ADAM12: variants seen among roughly 807,000 people sequenced by gnomAD.
ADAM12 encodes the protein disintegrin and metalloproteinase domain-containing protein 12.
In ADAM12, 70 loss-of-function variants were observed where a neutral mutation model predicts 106.4. The ratio of observed to expected loss-of-function variants is 0.66; its 90% confidence interval spans 0.54 to 0.80. The LOEUF (loss-of-function observed/expected upper bound fraction) is 0.80. Ranked by LOEUF, ADAM12 falls within the 30% of genes least tolerant of loss-of-function variation. The pLI is 0.00. For synonymous variants in ADAM12, 420 were observed against 433.5 expected, an observed-to-expected ratio of 0.97 and a Z score of 0.39; for missense variants, 1,010 against 1,171.9, an observed-to-expected ratio of 0.86 and a Z score of 2.02.
At chr10:126,327,185 G>A (rs1049748074) in intron 2 of ADAM12, among the ~76,000 whole-genome samples, 8 of 152,140 alleles carry the variant, frequency 5.3e-5, no homozygotes, top group Admixed American at 2.0e-4. Flanking sequence ...ACAGAGCGAC[G>A]TGCCTTTCAT....
rs1405861074 is a variant in ADAM12 at position 126,012,570 on chromosome 10, A to G, written c.*4709T>C. 1 of 152,240 alleles carries G rather than the reference A, an allele frequency of 6.6e-6. No homozygotes were observed. Among genetic ancestry groups the G allele is most frequent in the East Asian group, 1.9e-4 (1 of 5,200 alleles). 9.4% of individuals were successfully genotyped at this position (152,240 alleles called of 1,614,324 possible). On this transcript the variant is annotated 3_prime_UTR_variant, in exon 23 of 23. Coordinates refer to ENST00000448723, the MANE Select transcript of ADAM12 (RefSeq NM_001288973.2). ...CCAAAGCATGATAAATGGATGAAGC[A>G]CTATAAAATTACTTTGCTGTTTACG...
chr10:126,086,680 A>ATATAT (rs1472519666), intron 11 of ADAM12, among the ~76,000 whole-genome samples: 2 of 24,272 alleles, frequency 8.2e-5, no homozygotes, highest in African/African-American at 6.5e-4. Flanking sequence ...AAAAAAAAAA[A>ATATAT]ATATATATAT....
At chr10:126,250,741 A>G (rs1958730208) in intron 3 of ADAM12, among the ~76,000 whole-genome samples, 2 of 152,222 alleles carry the variant, frequency 1.3e-5, no homozygotes, top group African/African-American at 4.8e-5. Context: ...CACCTTGCCC[A>G]ATTTCCTCCA....
chr10:126,013,180 T>C lies in ADAM12; in HGVS notation c.*4099A>G, dbSNP rs1486937444. 13 of 152,222 alleles carry C rather than the reference T, an allele frequency of 8.5e-5. No individual in the cohort carries two copies. Among genetic ancestry groups the C allele is most frequent in the African/African-American group, 2.7e-4 (11 of 41,456 alleles). The allele number at this position is 152,222 out of a possible 1,614,324, so 9.4% of individuals were successfully genotyped here. A position where few individuals can be genotyped will look rare whatever the true frequency, so the allele number is the denominator to read the frequency against. ...TAATGGCTGTACTAGAAGCTGCCAT[T>C]ACTGTTCCAAAAAGTAAAGGGGATT... On this transcript the variant is annotated 3_prime_UTR_variant, in exon 23 of 23. Coordinates refer to ENST00000448723, the MANE Select transcript of ADAM12 (RefSeq NM_001288973.2). The surrounding 1 kb of genome is among the most constrained non-coding windows in gnomAD (Gnocchi z 4.3).
intron 20 of ADAM12, 47 bp downstream of exon 20, chr10:126,038,194 C>T: frequency 4.7e-6 from 7 of 1,496,836 alleles, no homozygotes; most frequent in Non-Finnish European, 6.4e-6. Context: ...TTGAAAACCT[C>T]ATGTCTGCAT....
intron 3 of ADAM12, among the ~76,000 whole-genome samples, chr10:126,222,990 A>T (rs1454986972): frequency 6.6e-6 from 1 of 152,226 alleles, no homozygotes; most frequent in Non-Finnish European, 1.5e-5. Context: ...CTGATTCATC[A>T]TACTTACTAA....
intron 14 of ADAM12, among the ~76,000 whole-genome samples, chr10:126,062,679 C>A (rs1465488298): frequency 6.6e-6 from 1 of 152,198 alleles, no homozygotes; most frequent in Non-Finnish European, 1.5e-5. Flanking sequence ...GTCGAGTTCC[C>A]TCTGACCTCA....
chr10:126,353,055 T>C (rs1018156734), intron 1 of ADAM12, among the ~76,000 whole-genome samples: 5 of 152,120 alleles, frequency 3.3e-5, no homozygotes, highest in African/African-American at 1.2e-4. Context: ...CTCCAGAACA[T>C]CCTTCCTCCC....
chr10:126,255,174 G>A (rs767402946), intron 3 of ADAM12, among the ~76,000 whole-genome samples: 4 of 152,136 alleles, frequency 2.6e-5, no homozygotes, highest in Non-Finnish European at 4.4e-5. Context: ...CAGTGGTGTC[G>A]CCGGCCAGCT....
At position 126,039,328 on chromosome 10, in the gene ADAM12, ACAG is replaced by A. The variant is rs776998157; in HGVS notation, c.2203_2205del (p.Leu735del). On this transcript the variant is annotated inframe_deletion, in exon 19 of 23. Coordinates refer to ENST00000448723, the MANE Select transcript of ADAM12 (RefSeq NM_001288973.2). ...TCAATGGTGGTCTTCTTATTTGTAA[ACAG>A]CAGTCGTATCAAGGTCTTCCTTTTG... The A allele has an allele frequency of 5.6e-6, 9 of 1,614,022 alleles. No homozygotes were observed. The South Asian group carries it at 9.9e-5, about 18-fold the overall frequency.
At chr10:126,098,291 T>G (rs1304832306) in intron 10 of ADAM12, 125 bp downstream of exon 10, 1 of 794,200 alleles carries the variant, frequency 1.3e-6, no homozygotes, top group African/African-American at 1.7e-5. Flanking sequence ...ACAGCTACAG[T>G]AAAAATAGAG....
At chr10:126,288,702 G>A (rs534398994) in intron 2 of ADAM12, among the ~76,000 whole-genome samples, 1 of 147,688 alleles carries the variant, frequency 6.8e-6, no homozygotes, top group African/African-American at 2.7e-5. Flanking sequence ...TCCAGGGACA[G>A]GACCGTGTGG....
At chr10:126,112,880 T>A (rs1291507012) in intron 6 of ADAM12, among the ~76,000 whole-genome samples, 1 of 152,076 alleles carries the variant, frequency 6.6e-6, no homozygotes, top group Non-Finnish European at 1.5e-5. Context: ...CTGAAACCCA[T>A]ATTCCTGAAA....
At chr10:126,095,208 A>G (rs1955533496) in intron 10 of ADAM12, among the ~76,000 whole-genome samples, 1 of 152,100 alleles carries the variant, frequency 6.6e-6, no homozygotes, top group African/African-American at 2.4e-5. Context: ...CTTAATCCCA[A>G]TATGGCAGTA....
intron 3 of ADAM12, among the ~76,000 whole-genome samples, chr10:126,193,064 G>C (rs1957532870): frequency 6.6e-6 from 1 of 152,118 alleles, no homozygotes; most frequent in African/African-American, 2.4e-5. Flanking sequence ...AGGAGATCAA[G>C]ACCATCCTGG....
At chr10:126,143,929 T>C (rs1956576126) in intron 4 of ADAM12, among the ~76,000 whole-genome samples, 1 of 152,146 alleles carries the variant, frequency 6.6e-6, no homozygotes, top group South Asian at 2.1e-4. Flanking sequence ...AAAGTGACTT[T>C]GCAGCTCTGT....
intron 2 of ADAM12, among the ~76,000 whole-genome samples, chr10:126,293,107 T>C (rs1488319253): frequency 6.6e-6 from 1 of 152,200 alleles, no homozygotes; most frequent in Non-Finnish European, 1.5e-5. Context: ...CTTCAGCCTG[T>C]AGCTCTATCA....
chr10:126,038,790 T>G (rs1441660903), intron 19 of ADAM12, among the ~76,000 whole-genome samples: 1 of 152,018 alleles, frequency 6.6e-6, no homozygotes, highest in East Asian at 1.9e-4. Context: ...AGCACATTGT[T>G]GTTTGAAGGG....
intron 3 of ADAM12, among the ~76,000 whole-genome samples, chr10:126,178,032 TA>T (rs1482490520): frequency 6.6e-6 from 1 of 152,240 alleles, no homozygotes; most frequent in Non-Finnish European, 1.5e-5. Flanking sequence ...TGGAATTTTT[TA>T]AAACAGTAAC....
Sources: gnomAD v4.1 joint callset for allele counts (sites outside exome capture counted in the v4.1 genomes callset) on GRCh38, gnomAD v4.1.1 for gene constraint, Gnocchi (gnomAD v3.1) non-coding constraint, MANE v1.5 for transcripts, NCBI Gene and HGNC (gene_info 2026-07-23, HGNC 2026-07-21) for gene names.